Variants in PRKCA observed in about 807,000 individuals in gnomAD.
The protein encoded by PRKCA is protein kinase C alpha.
PRKCA carries 27 observed loss-of-function variants against 87.0 expected under a neutral mutation model. The observed-to-expected ratio is 0.31, with a 90% CI of 0.23 to 0.43. The LOEUF is 0.43. Ranked by LOEUF, PRKCA falls within the 20% of genes least tolerant of loss-of-function variation. The probability of loss-of-function intolerance (pLI) is 1.00; values close to 1 mark genes in which losing one functional copy is unlikely to be tolerated. For missense variants in PRKCA, 518 were observed against 852.3 expected, an observed-to-expected ratio of 0.61 and a Z score of 4.88; for synonymous variants, 329 against 311.1, an observed-to-expected ratio of 1.06 and a Z score of -0.61.
intron 2 of PRKCA, among the ~76,000 whole-genome samples, chr17:66,447,205 C>T (rs1040245179): frequency 6.6e-6 from 1 of 152,134 alleles, no homozygotes; most frequent in Non-Finnish European, 1.5e-5. Flanking sequence ...AAGTGTCATA[C>T]CATTAAGATG....
intron 5 of PRKCA, among the ~76,000 whole-genome samples, chr17:66,652,999 G>A (rs1265152768): frequency 6.6e-6 from 1 of 151,976 alleles, no homozygotes. Flanking sequence ...TTCATGAAGA[G>A]CACTCACCTG....
intron 2 of PRKCA, among the ~76,000 whole-genome samples, chr17:66,448,980 TAA>T (rs58373500): frequency 0.052 from 7,240 of 140,528 alleles, 217 homozygotes; most frequent in Non-Finnish European, 0.067. Flanking sequence ...ACTCTAAACT[TAA>T]AAAAAAAAAA....
Position 66,729,760 on chromosome 17 carries a change from C to G in PRKCA, c.919-2928C>G, listed in dbSNP as rs979192155. Among the ~76,000 whole-genome samples the G allele has an allele frequency of 2.0e-5, 3 of 150,992 alleles. No individual in the cohort carries two copies. In the South Asian group the frequency reaches 6.3e-4, roughly 32 times the overall value. On this transcript the variant is annotated intron_variant, in intron 8 of 16. Transcript: ENST00000413366. Reference sequence around the variant, plus strand: ...ATGTTCACAAGCCCTGAGACTTGATCCCTGTATGAGCGAGTTATTCTTTTT... The same window carrying G: ...ATGTTCACAAGCCCTGAGACTTGATGCCTGTATGAGCGAGTTATTCTTTTT...
At chr17:66,776,289 G>A (rs1975046158) in intron 14 of PRKCA, among the ~76,000 whole-genome samples, 2 of 152,128 alleles carry the variant, frequency 1.3e-5, no homozygotes, top group East Asian at 1.9e-4. Context: ...TAGAGTGAGA[G>A]CCTAAGACAA....
intron 3 of PRKCA, among the ~76,000 whole-genome samples, chr17:66,639,970 G>A (rs1413424175): frequency 1.3e-5 from 2 of 152,060 alleles, no homozygotes; most frequent in Non-Finnish European, 2.9e-5. Flanking sequence ...ACTCCAGCTT[G>A]GGTGACAGAG....
intron 5 of PRKCA, among the ~76,000 whole-genome samples, chr17:66,674,536 T>C (rs927069341): frequency 1.3e-5 from 2 of 152,146 alleles, no homozygotes; most frequent in Admixed American, 6.5e-5. Context: ...AACCAACCCA[T>C]CAGAACCAAT....
At position 66,576,190 on chromosome 17, in the gene PRKCA, A is replaced by G. The variant is rs564267535; in HGVS notation, c.289-65165A>G. On this transcript the variant is annotated intron_variant, in intron 3 of 16. Coordinates refer to ENST00000413366, the MANE Select transcript of PRKCA (RefSeq NM_002737.3). ...ATAAATTTCAGATGGAGGCTGTGCT[A>G]TGAAGACTGTCACAGTTGGTTACAA... is the stretch of plus-strand genomic sequence containing the variant. Among the ~76,000 whole-genome samples, 11 of 152,364 alleles carry G rather than the reference A, an allele frequency of 7.2e-5. No homozygotes were observed. In the East Asian group the frequency reaches 2.1e-3, roughly 29 times the overall value.
Position 66,792,366 on chromosome 17 carries a change from T to C in PRKCA, c.1854+3387T>C, listed in dbSNP as rs1220441940. On this transcript the variant is annotated intron_variant, in intron 16 of 16. Coordinates refer to ENST00000413366, the MANE Select transcript of PRKCA (RefSeq NM_002737.3). This position sits in a 1 kb window ranked among gnomAD's most constrained non-coding sequence, Gnocchi z 4.5. ...GATCAGGAGTCTATCATCTTTGTTTTATTAATTTTTAAATTTTTTGAACCT... is the reference window on the plus strand; with the variant it reads ...GATCAGGAGTCTATCATCTTTGTTTCATTAATTTTTAAATTTTTTGAACCT... Among the ~76,000 whole-genome samples, 2 of 152,214 alleles carry C rather than the reference T, an allele frequency of 1.3e-5. No individual in the cohort carries two copies. Among genetic ancestry groups the C allele is most frequent in the Non-Finnish European group, 2.9e-5 (2 of 68,042 alleles).
chr17:66,640,478 A>G (rs906542924), intron 3 of PRKCA, among the ~76,000 whole-genome samples: 1 of 152,150 alleles, frequency 6.6e-6, no homozygotes, highest in Non-Finnish European at 1.5e-5. Flanking sequence ...TGCCTTTACG[A>G]TTTTCATCTG....
intron 2 of PRKCA, among the ~76,000 whole-genome samples, chr17:66,340,488 C>T (rs959124267): frequency 5.3e-5 from 8 of 150,244 alleles, no homozygotes; most frequent in Non-Finnish European, 2.9e-5. Flanking sequence ...TCCATAAGGG[C>T]TTAGTAGTGC....
chr17:66,303,427 G>T (rs1005502416), intron 1 of PRKCA, among the ~76,000 whole-genome samples: 2 of 152,294 alleles, frequency 1.3e-5, no homozygotes, highest in East Asian at 3.9e-4. Flanking sequence ...ACGCGCCCCG[G>T]AGTAACGGGG....
chr17:66,531,259 G>C (rs990521389), intron 3 of PRKCA, among the ~76,000 whole-genome samples: 1 of 152,186 alleles, frequency 6.6e-6, no homozygotes, highest in Non-Finnish European at 1.5e-5. Flanking sequence ...TTCACATAGG[G>C]TTCTGCAGCC....
intron 16 of PRKCA, 144 bp downstream of exon 16, chr17:66,789,123 C>A: frequency 9.6e-7 from 1 of 1,044,080 alleles, no homozygotes; most frequent in Non-Finnish European, 1.4e-6. Flanking sequence ...CAGCCTTGTC[C>A]TCAGTCCTGT....
chr17:66,467,328 A>G (rs999592334), intron 2 of PRKCA, among the ~76,000 whole-genome samples: 3 of 152,230 alleles, frequency 2.0e-5, no homozygotes, highest in African/African-American at 7.2e-5. Context: ...GATGTCGTGT[A>G]GCTAACCTCA....
chr17:66,391,510 C>G (rs1021611998), intron 2 of PRKCA, among the ~76,000 whole-genome samples: 1 of 152,142 alleles, frequency 6.6e-6, no homozygotes, highest in African/African-American at 2.4e-5. Context: ...ATCTGCAGCA[C>G]CTACCACAGT....
At position 66,441,242 on chromosome 17, in the gene PRKCA, G is replaced by A. The variant is rs562471456; in HGVS notation, c.206-54959G>A. Among the ~76,000 whole-genome samples the A allele has an allele frequency of 2.0e-5, 3 of 152,036 alleles. No individual in the cohort carries two copies. The East Asian group carries it at 5.8e-4, about 29-fold the overall frequency. On this transcript the variant is annotated intron_variant, in intron 2 of 16. Coordinates refer to ENST00000413366, the MANE Select transcript of PRKCA (RefSeq NM_002737.3). The stretch of plus-strand genomic sequence containing the variant: ...CCTGTGGTGCCAAGCTCCTCAGGAG[G>A]CTGAGGCAGAAGGATGGCCTGAGGC...
At chr17:66,802,871 T>C (rs1386440512) in intron 16 of PRKCA, among the ~76,000 whole-genome samples, 1 of 152,240 alleles carries the variant, frequency 6.6e-6, no homozygotes, top group African/African-American at 2.4e-5. Context: ...CCTGTGGTGC[T>C]AGCAGCAGGT....
intron 3 of PRKCA, among the ~76,000 whole-genome samples, chr17:66,536,613 A>AG (rs1252908033): frequency 6.6e-6 from 1 of 152,208 alleles, no homozygotes; most frequent in Admixed American, 6.5e-5. Flanking sequence ...GAGCTGCAGA[A>AG]GGGGGGATGC....
intron 5 of PRKCA, among the ~76,000 whole-genome samples, chr17:66,673,470 C>T (rs888180195): frequency 2.6e-5 from 4 of 152,138 alleles, no homozygotes; most frequent in African/African-American, 7.2e-5. Flanking sequence ...AGCTGTGAGG[C>T]GATGTCTGAT....
Sources: allele counts gnomAD v4.1 joint callset (sites outside exome capture counted in the v4.1 genomes callset), GRCh38; gene constraint gnomAD v4.1.1; non-coding constraint Gnocchi (gnomAD v3.1); transcripts MANE v1.5; gene names NCBI Gene and HGNC (gene_info 2026-07-23, HGNC 2026-07-21).